REXO5: variants seen among roughly 807,000 people sequenced by gnomAD.
REXO5 encodes the protein RNA exonuclease 5, also known as exonuclease NEF-sp.
In REXO5, 48 loss-of-function variants were observed where a neutral mutation model predicts 88.5. The ratio of observed to expected loss-of-function variants is 0.54; its 90% CI spans 0.43 to 0.69. The LOEUF is 0.69. REXO5 is among the 30% of genes least tolerant of loss of function. The pLI, the probability that REXO5 is intolerant of heterozygous loss-of-function variation, is 0.00. For missense variants in REXO5, 749 were observed against 912.2 expected, an observed-to-expected ratio of 0.82 and a Z score of 2.30; for synonymous variants, 311 against 336.5, an observed-to-expected ratio of 0.92 and a Z score of 0.83.
rs572068259 is a variant in REXO5, at chr16:20,825,934, G to A, written c.807G>A (p.Leu269=). ...DELVKPENKI[L]DYLTSFSGIT... Reference sequence around the variant, plus strand: ...TGGTCAAACCTGAAAACAAGATTCTGGACTACCTCACCAGGTATTTTTCAC... The same window carrying A: ...TGGTCAAACCTGAAAACAAGATTCTAGACTACCTCACCAGGTATTTTTCAC... The change falls in exon 8 of 20, where the codon CTG becomes CTA. Residue 269 remains leucine (L), a synonymous_variant. Transcript: ENST00000261377. 1 of 1,612,376 alleles carries A rather than the reference G, an allele frequency of 6.2e-7. No individual in the cohort carries two copies. Among genetic ancestry groups the A allele is most frequent in the East Asian group, 2.2e-5 (1 of 44,866 alleles).
chr16:20,820,546 T>TA (rs2081167098), intron 5 of REXO5, among the ~76,000 whole-genome samples: 2 of 17,448 alleles, frequency 1.1e-4, no homozygotes, highest in Non-Finnish European at 1.1e-4. Context: ...ATATATATAT[T>TA]TTTTTTTTTT....
chr16:20,840,149 TATTAAC>T (rs768746629), intron 14 of REXO5, 176 bp from the exon 15 acceptor site: 50 of 536,942 alleles, frequency 9.3e-5, no homozygotes, highest in Non-Finnish European at 1.4e-4. Flanking sequence ...ATGATATACC[TATTAAC>T]ATTTGTGCTT....
rs554565665 is a variant in REXO5 at position 20,829,596 on chromosome 16, C to T, written c.1158+1059C>T. 6.4e-4 allele frequency among the ~76,000 whole-genome samples: 97 copies of T among 152,296 alleles called. 1 individual carries two copies. Among genetic ancestry groups the T allele is most frequent in the African/African-American group, 2.2e-3 (90 of 41,554 alleles). On this transcript the variant is annotated intron_variant, in intron 11 of 19. Transcript: ENST00000261377. ...GTCAGGTGGTAGAAAGACATTCTAA[C>T]AGATCTTCTTTGAGCATATAGATAA...
chr16:20,829,346 G>A (rs931578616), intron 11 of REXO5, among the ~76,000 whole-genome samples: 4 of 152,036 alleles, frequency 2.6e-5, no homozygotes, highest in African/African-American at 7.2e-5. Flanking sequence ...TTGTTTTCTT[G>A]GAGTAGGGGG....
chr16:20,825,308 A>T (rs541907553), intron 7 of REXO5, among the ~76,000 whole-genome samples: 1 of 152,196 alleles, frequency 6.6e-6, no homozygotes, highest in Non-Finnish European at 1.5e-5. Flanking sequence ...CTAAGACCTA[A>T]AATTTGAGAA....
intron 2 of REXO5, among the ~76,000 whole-genome samples, chr16:20,811,717 T>C (rs1183166152): frequency 6.6e-6 from 1 of 152,218 alleles, no homozygotes; most frequent in Middle Eastern, 3.2e-3. Context: ...AATGATTTAA[T>C]GCATGTAAAA....
At chr16:20,807,603 A>AAAT (rs2080912745) in intron 2 of REXO5, among the ~76,000 whole-genome samples, 1 of 145,712 alleles carries the variant, frequency 6.9e-6, no homozygotes, top group Non-Finnish European at 1.5e-5. Context: ...AAAAAAAAAA[A>AAAT]AAAAACTGGG....
At chr16:20,833,382 G>A (rs2081376438) in intron 13 of REXO5, among the ~76,000 whole-genome samples, 1 of 152,050 alleles carries the variant, frequency 6.6e-6, no homozygotes. Context: ...TTGTGTTTCT[G>A]GTTCATGGAA....
intron 18 of REXO5, 142 bp from the exon 19 acceptor site, chr16:20,846,079 G>C (rs2081602087): frequency 2.9e-6 from 2 of 691,566 alleles, no homozygotes; most frequent in Admixed American, 4.3e-5. Flanking sequence ...CTGCAGTGTG[G>C]GCTCCAGTGT....
At chr16:20,826,977 AATGT>A in intron 8 of REXO5, 77 bp from the exon 9 acceptor site, 1 of 1,439,962 alleles carries the variant, frequency 6.9e-7, no homozygotes, top group Non-Finnish European at 9.4e-7. Context: ...AATTTTAAAA[AATGT>A]TATTTTTAAA....
intron 19 of REXO5, 48 bp from the exon 20 acceptor site, chr16:20,849,351 A>G: frequency 1.3e-6 from 2 of 1,546,304 alleles, no homozygotes; most frequent in African/African-American, 1.4e-5. Flanking sequence ...ATAACCATTC[A>G]TTCAACCTTA....
At chr16:20,844,488 C>G in intron 16 of REXO5, 141 bp from the exon 17 acceptor site, 1 of 650,310 alleles carries the variant, frequency 1.5e-6, no homozygotes, top group East Asian at 2.7e-5. Context: ...CTTTAGTTTC[C>G]TTTTACAGAA....
Position 20,840,360 on chromosome 16 carries a change from T to C in REXO5, c.1518T>C (p.Thr506=), listed in dbSNP as rs1405313291. 1.9e-6 allele frequency: 3 copies of C among 1,563,526 alleles called. No individual in the cohort carries two copies. Among genetic ancestry groups the C allele is most frequent in the Admixed American group, 1.7e-5 (1 of 58,834 alleles). Residue 506 remains threonine, a synonymous_variant, in exon 15 of 20, where the codon ACT becomes ACC. Coordinates refer to ENST00000261377, the MANE Select transcript of REXO5 (RefSeq NM_030941.3). ...RMRIKWTEIS[T]VYAGPFSKNC... ...GGATCAAGTGGACAGAGATATCAAC[T>C]GTCTATGCTGGGCCATTTAGCAAAA...
At chr16:20,811,638 A>G (rs1018566064) in intron 2 of REXO5, among the ~76,000 whole-genome samples, 1 of 152,204 alleles carries the variant, frequency 6.6e-6, no homozygotes, top group African/African-American at 2.4e-5. Flanking sequence ...TCTATCATTT[A>G]TCTGTCTCTC....
chr16:20,813,275 TG>T lies in REXO5; in HGVS notation c.227del (p.Gly76AlafsTer19). ...QLCELLKYAV[L>X]GKSNVPKPSW... is the part of the protein sequence containing the mutation. ...TGTGAATTGCTGAAGTATGCAGTTC[TG>T]GGCAAATCCAATGTTCCAAAACCCA... On this transcript the variant is annotated frameshift_variant, in exon 3 of 20. Coordinates refer to ENST00000261377, the MANE Select transcript of REXO5 (RefSeq NM_030941.3). LOFTEE classifies it high-confidence loss of function. 1 of 1,613,122 alleles carries T rather than the reference TG, an allele frequency of 6.2e-7. No individual in the cohort carries two copies. Among genetic ancestry groups the T allele is most frequent in the South Asian group, 1.1e-5 (1 of 91,046 alleles).
At chr16:20,839,672 G>A (rs2081495180) in intron 13 of REXO5, 83 bp from the exon 14 acceptor site, 13 of 845,848 alleles carry the variant, frequency 1.5e-5, no homozygotes, top group South Asian at 6.9e-5. Context: ...GACAACTACT[G>A]TTTATATTAT....
At chr16:20,839,579 T>G (rs976638278) in intron 13 of REXO5, among the ~76,000 whole-genome samples, 176 bp from the exon 14 acceptor site, 5 of 152,196 alleles carry the variant, frequency 3.3e-5, no homozygotes, top group Non-Finnish European at 7.3e-5. Flanking sequence ...GATTCTGTGG[T>G]TCTTTGGGGA....
intron 19 of REXO5, among the ~76,000 whole-genome samples, chr16:20,847,771 G>C (rs1021481733): frequency 2.6e-5 from 4 of 152,182 alleles, no homozygotes; most frequent in Non-Finnish European, 4.4e-5. Context: ...TGTGGGCTCT[G>C]GGGAACAGAC....
intron 2 of REXO5, among the ~76,000 whole-genome samples, chr16:20,807,640 G>A (rs1160123085): frequency 1.4e-5 from 2 of 145,314 alleles, no homozygotes; most frequent in African/African-American, 2.5e-5. Context: ...AGTGGCTCAC[G>A]CCTGTAATCC....
Sources: allele counts gnomAD v4.1 joint callset (sites outside exome capture counted in the v4.1 genomes callset), GRCh38; gene constraint gnomAD v4.1.1; transcripts MANE v1.5; gene names NCBI Gene and HGNC (gene_info 2026-07-23, HGNC 2026-07-21).